BRDT: variants seen among roughly 807,000 people sequenced by gnomAD.
BRDT encodes bromodomain testis associated.
In BRDT, 77 loss-of-function variants were observed where a neutral mutation model predicts 113.9. The ratio of observed to expected loss-of-function variants is 0.68; its 90% CI spans 0.56 to 0.82. BRDT has a LOEUF of 0.82. Among genes scored for constraint, BRDT ranks in the 40% least tolerant of loss-of-function variants. The pLI is 0.00. For missense variants in BRDT, 1,027 were observed against 1,105.4 expected (o/e 0.93, Z 1.01); for synonymous variants, 358 against 366.5 (o/e 0.98, Z 0.26).
In BRDT at chr1:91,982,948, A is replaced by G. The variant is rs145690698; in HGVS notation, c.2002+1193A>G. ...TAATTAGCATTTGTAACTTCATCTA[A>G]TAAAGCATTTGTGGTCTAATAAGTT... On this transcript the variant is annotated intron_variant, in intron 12 of 18. Coordinates refer to ENST00000399546, the MANE Select transcript of BRDT (RefSeq NM_207189.4). Among the ~76,000 whole-genome samples the G allele has an allele frequency of 4.3e-3, 656 of 152,302 alleles. 5 individuals carry two copies. The highest frequency in any genetic ancestry group is 0.017 in the Middle Eastern group (5 of 294).
At chr1:92,007,716 A>G (rs771062459) in intron 18 of BRDT, among the ~76,000 whole-genome samples, 1 of 152,162 alleles carries the variant, frequency 6.6e-6, no homozygotes, top group African/African-American at 2.4e-5. Flanking sequence ...AATTTACGTT[A>G]TACCACCTCA....
At chr1:91,989,843 G>A (rs1371606597) in intron 12 of BRDT, among the ~76,000 whole-genome samples, 2 of 152,166 alleles carry the variant, frequency 1.3e-5, no homozygotes, top group African/African-American at 4.8e-5. Flanking sequence ...TCATTGAGTG[G>A]CATTTAGCAA....
At chr1:91,979,209 G>T (rs528946578) in intron 7 of BRDT, among the ~76,000 whole-genome samples, 2 of 151,306 alleles carry the variant, frequency 1.3e-5, no homozygotes, top group South Asian at 4.2e-4. Flanking sequence ...CGCCTCCCGG[G>T]TTCAAGCGAT....
At chr1:91,974,708 G>C (rs549418655) in intron 4 of BRDT, among the ~76,000 whole-genome samples, 6 of 152,298 alleles carry the variant, frequency 3.9e-5, no homozygotes, top group Admixed American at 2.0e-4. Flanking sequence ...TTCAACCATT[G>C]TGGAAGTCAG....
intron 4 of BRDT, 42 bp downstream of exon 4, chr1:91,968,302 T>C: frequency 6.3e-7 from 1 of 1,598,686 alleles, no homozygotes; most frequent in Non-Finnish European, 8.5e-7. Flanking sequence ...CTCTCTTTTT[T>C]TCCCCTATCT....
At chr1:91,964,878 CGTGTGTGTGTGT>C (rs59328937) in intron 3 of BRDT, 114 bp downstream of exon 3, 13 of 344,268 alleles carry the variant, frequency 3.8e-5, no homozygotes, top group South Asian at 1.8e-4. Context: ...AGATACTTGA[CGTGTGTGTGTGT>C]GTGTGTGTGT....
intron 1 of BRDT, among the ~76,000 whole-genome samples, chr1:91,961,921 G>A (rs1682490960): frequency 6.6e-6 from 1 of 151,946 alleles, no homozygotes; most frequent in Non-Finnish European, 1.5e-5. Context: ...ACTTTGGGAG[G>A]CCGAGGCGGG....
chr1:91,964,892 TG>T, intron 3 of BRDT, 128 bp downstream of exon 3: 1 of 515,082 alleles, frequency 1.9e-6, no homozygotes, highest in Non-Finnish European at 3.0e-6. Context: ...TGTGTGTGTG[TG>T]TGTGTGTGTG....
At position 92,004,622 on chromosome 1, in the gene BRDT, C is replaced by T. The variant is rs2101808704; in HGVS notation, c.2594+3C>T. 2 of 1,590,268 alleles carry T rather than the reference C, an allele frequency of 1.3e-6. No homozygotes were observed. The highest frequency in any genetic ancestry group is 4.5e-5 in the East Asian group (2 of 44,630). ...AAAGCATCTCAAGAAAATCAGAGGT[C>T]TGTAATTTACTGGATTAAAGGAGGG... On this transcript the variant is annotated splice_donor_region_variant and intron_variant, in intron 17 of 18. Coordinates refer to ENST00000399546, the MANE Select transcript of BRDT (RefSeq NM_207189.4).
chr1:91,973,686 G>C (rs1469051922), intron 4 of BRDT, among the ~76,000 whole-genome samples: 1 of 152,180 alleles, frequency 6.6e-6, no homozygotes, highest in Non-Finnish European at 1.5e-5. Context: ...GGGCTGAGAT[G>C]ATGGGGTTTT....
At chr1:91,989,547 G>A (rs1322168294) in intron 12 of BRDT, among the ~76,000 whole-genome samples, 2 of 151,978 alleles carry the variant, frequency 1.3e-5, no homozygotes, top group Non-Finnish European at 2.9e-5. Flanking sequence ...TTTTACTAGA[G>A]ATGGGGTTTC....
At chr1:91,955,048 T>C (rs537706813) in intron 1 of BRDT, among the ~76,000 whole-genome samples, 11 of 152,268 alleles carry the variant, frequency 7.2e-5, no homozygotes, top group African/African-American at 2.6e-4. Context: ...TGTACTTTTT[T>C]CCCCTCCTTA....
chr1:91,988,637 G>T (rs576918188), intron 12 of BRDT, among the ~76,000 whole-genome samples: 6 of 152,096 alleles, frequency 3.9e-5, no homozygotes, highest in Non-Finnish European at 7.3e-5. Context: ...CTGACCTCAG[G>T]TGATCAGCCT....
At chr1:91,971,184 A>G (rs1256459003) in intron 4 of BRDT, among the ~76,000 whole-genome samples, 1 of 152,034 alleles carries the variant, frequency 6.6e-6, no homozygotes, top group South Asian at 2.1e-4. Context: ...CATTACGTCA[A>G]GGACGGCACC....
intron 16 of BRDT, among the ~76,000 whole-genome samples, chr1:92,002,469 T>G (rs1202647508): frequency 3.9e-5 from 6 of 152,154 alleles, no homozygotes. Flanking sequence ...ATTCAAGCGA[T>G]TCTCATGCCT....
chr1:92,004,393 T>C (rs578185234), intron 16 of BRDT, 21 bp from the exon 17 acceptor site: 14 of 1,573,690 alleles, frequency 8.9e-6, no homozygotes, highest in Non-Finnish European at 1.0e-5. Context: ...AGACATAGAC[T>C]GAACCAAATA....
intron 1 of BRDT, 54 bp from the exon 2 acceptor site, chr1:91,962,664 C>A: frequency 9.1e-7 from 1 of 1,093,316 alleles, no homozygotes; most frequent in Non-Finnish European, 1.3e-6. Context: ...CTTTTCAGCT[C>A]CTGTGGAAAC....
chr1:91,993,947 AT>A (rs1686031284), intron 14 of BRDT, 135 bp from the exon 15 acceptor site: 2 of 734,452 alleles, frequency 2.7e-6, no homozygotes, highest in Non-Finnish European at 2.1e-6. Flanking sequence ...TACATTATAG[AT>A]TTGTGTGACT....
intron 7 of BRDT, 45 bp downstream of exon 7, chr1:91,978,341 A>C (rs774652758): frequency 6.3e-7 from 1 of 1,595,486 alleles, no homozygotes; most frequent in Non-Finnish European, 8.5e-7. Context: ...CTCTGAACAT[A>C]GTTGAAACGT....
Sources: gnomAD v4.1 joint callset for allele counts (sites outside exome capture counted in the v4.1 genomes callset) on GRCh38, gnomAD v4.1.1 for gene constraint, MANE v1.5 for transcripts, NCBI Gene and HGNC (gene_info 2026-07-23, HGNC 2026-07-21) for gene names.